The following PFKL variants were observed in gnomAD, a reference collection of about 807,000 sequenced individuals.
PFKL encodes the protein phosphofructokinase, liver type.
In PFKL, 74 loss-of-function variants were observed where a neutral mutation model predicts 92.1. The observed-to-expected ratio is 0.80, with a 90% CI of 0.67 to 0.97. PFKL has a LOEUF of 0.97. Among genes scored for constraint, PFKL ranks in the 50% least tolerant of loss-of-function variants. The probability of loss-of-function intolerance (pLI) is 0.00; values close to 1 mark genes in which losing one functional copy is unlikely to be tolerated. For synonymous variants in PFKL, 494 were observed against 456.4 expected (o/e 1.08, Z -1.05); for missense variants, 1,028 against 1,116.6 (o/e 0.92, Z 1.13).
chr21:44,325,255 C>A lies in PFKL; in HGVS notation c.1980C>A (p.His660Gln). The change falls in exon 19 of 22, where the codon CAC (histidine) becomes CAA (glutamine). Residue 660 changes from histidine (H) to glutamine (Q), a missense_variant. By Grantham distance (24) the His-to-Gln change is conservative. Coordinates refer to ENST00000349048, the MANE Select transcript of PFKL (RefSeq NM_002626.6). ...VFDCRTNVLG[H>Q]LQQGGAPTPF... ...ACTGCAGGACCAATGTCCTGGGCCA[C>A]CTGCAGCAGGTGTGGGGCAGGGGTG... is the stretch of plus-strand genomic sequence containing the variant. 1 of 1,604,918 alleles carries A rather than the reference C, an allele frequency of 6.2e-7. No homozygotes were observed. The highest frequency in any genetic ancestry group is 8.5e-7 in the Non-Finnish European group (1 of 1,172,396).
chr21:44,311,137 C>G (rs1221310978), intron 3 of PFKL, 54 bp downstream of exon 3: 1 of 1,393,214 alleles, frequency 7.2e-7, no homozygotes, highest in Non-Finnish European at 1.0e-6. Flanking sequence ...GACAGACACA[C>G]AGAGACAGAC....
intron 3 of PFKL, 135 bp downstream of exon 3, chr21:44,311,218 A>G: frequency 6.1e-6 from 4 of 652,576 alleles, no homozygotes; most frequent in Non-Finnish European, 1.1e-5. Flanking sequence ...ACAGACATGC[A>G]CACAGACGCA....
rs548946257 is a variant in PFKL, at chr21:44,325,366, T to C, written c.1989+102T>C. The C allele has an allele frequency of 5.0e-5, 38 of 764,450 alleles. No homozygotes were observed. In the African/African-American group the frequency reaches 6.0e-4, roughly 12 times the overall value. The allele number at this position is 764,450 out of a possible 1,614,324, so 47.4% of individuals were successfully genotyped here. On this transcript the variant is annotated intron_variant, in intron 19 of 21. Transcript: ENST00000349048. ...AGCCCTCACGGGCACCCACGGGCAC[T>C]CCCGGCAGGCCCTCGGGCACGTGTG...
chr21:44,311,161 C>G (rs369182175), intron 3 of PFKL, 78 bp downstream of exon 3: 3 of 1,065,804 alleles, frequency 2.8e-6, no homozygotes, highest in African/African-American at 4.5e-5. Flanking sequence ...CACACACAGA[C>G]ACACACACAG....
chr21:44,311,030 G>T lies in PFKL; in HGVS notation c.184G>T (p.Gly62Cys). The change falls in exon 3 of 22, where the codon GGT (glycine) becomes TGT (cysteine). Residue 62 changes from glycine (G) to cysteine (C), a missense_variant. Coordinates refer to ENST00000349048, the MANE Select transcript of PFKL (RefSeq NM_002626.6). ...YEGYEGLVEG[G>C]ENIKQANWLS... ...GGGCTATGAGGGCCTCGTGGAGGGA[G>T]GTGAGAACATCAAGCAGGCCAACTG... 1 of 1,613,066 alleles carries T rather than the reference G, an allele frequency of 6.2e-7. No homozygotes were observed. The highest frequency in any genetic ancestry group is 8.5e-7 in the Non-Finnish European group (1 of 1,179,588).
chr21:44,300,076 G>A lies in PFKL; in HGVS notation c.-30G>A, dbSNP rs1239706374. On this transcript the variant is annotated 5_prime_UTR_variant, in exon 1 of 22. Transcript: ENST00000349048. ...GCGACGCGGCGCAGGCGGCGGGAGT[G>A]CGAGCTGGGCCCGTGTTTCGGCCGC... 7.7e-6 allele frequency: 8 copies of A among 1,044,972 alleles called. No individual in the cohort carries two copies. The highest frequency in any genetic ancestry group is 5.2e-5 in the Admixed American group (1 of 19,196). 64.7% of individuals were successfully genotyped at this position (1,044,972 alleles called of 1,614,324 possible).
Position 44,307,639 on chromosome 21 carries a change from C to A in PFKL, c.159+885C>A, listed in dbSNP as rs559750476. ...CATCTTGGCCCCAGGGAACAGCAGC[C>A]TGTCCAGCCCTCCCTCTGCAGGACT... On this transcript the variant is annotated intron_variant, in intron 2 of 21. Coordinates refer to ENST00000349048, the MANE Select transcript of PFKL (RefSeq NM_002626.6). Among the ~76,000 whole-genome samples the A allele has an allele frequency of 2.6e-5, 4 of 152,334 alleles. No individual in the cohort carries two copies. In the East Asian group the frequency reaches 7.7e-4, roughly 29 times the overall value.
chr21:44,319,932 T>C (rs943421622), intron 11 of PFKL, 152 bp from the exon 12 acceptor site: 1 of 669,326 alleles, frequency 1.5e-6, no homozygotes, highest in Admixed American at 2.2e-5. Flanking sequence ...GAAGGTGCCC[T>C]GCCTGGCATG....
chr21:44,326,676 C>T (rs753339597), intron 21 of PFKL, 39 bp from the exon 22 acceptor site: 34 of 1,601,714 alleles, frequency 2.1e-5, no homozygotes, highest in Middle Eastern at 1.8e-4. Flanking sequence ...TGCCCTGACC[C>T]CTGACTCCCC....
chr21:44,304,968 C>T (rs1443314459), intron 1 of PFKL, among the ~76,000 whole-genome samples: 1 of 152,182 alleles, frequency 6.6e-6, no homozygotes, highest in African/African-American at 2.4e-5. Context: ...CAGCTCCCTG[C>T]ACGCTCTGTG....
chr21:44,313,500 G>C, intron 5 of PFKL, 138 bp from the exon 6 acceptor site: 1 of 806,132 alleles, frequency 1.2e-6, no homozygotes. Flanking sequence ...GTATCTTTTA[G>C]CTCAGAGCCT....
chr21:44,308,732 T>C (rs988310040), intron 2 of PFKL, among the ~76,000 whole-genome samples: 1 of 152,056 alleles, frequency 6.6e-6, no homozygotes. Flanking sequence ...CAGCTGTTTT[T>C]TGTATTTTTA....
Position 44,311,011 on chromosome 21 carries a change from T to C in PFKL, c.165T>C (p.Tyr55=), listed in dbSNP as rs2047025216. The C allele has an allele frequency of 1.2e-6, 2 of 1,612,548 alleles. No homozygotes were observed. The highest frequency in any genetic ancestry group is 1.3e-5 in the African/African-American group (1 of 74,850). Reference sequence around the variant, plus strand: ...TGCCCCACTCTTGATTTCAGGGCTATGAGGGCCTCGTGGAGGGAGGTGAGA... The same window carrying C: ...TGCCCCACTCTTGATTTCAGGGCTACGAGGGCCTCGTGGAGGGAGGTGAGA... ...GAKVFLIYEG[Y]EGLVEGGENI... is the part of the protein sequence containing the mutation. Residue 55 remains tyrosine (Y), a synonymous_variant, in exon 3 of 22, where the codon TAT becomes TAC. Transcript: ENST00000349048.
chr21:44,309,953 C>T (rs2041067930), intron 2 of PFKL, among the ~76,000 whole-genome samples: 1 of 152,248 alleles, frequency 6.6e-6, no homozygotes, highest in South Asian at 2.1e-4. Context: ...GACCCCCTGC[C>T]TGCTTGAGGC....
rs771925648 is a variant in PFKL, at chr21:44,319,408, C to T, written c.1120C>T (p.Arg374Cys). The change falls in exon 11 of 22, where the codon CGT (arginine) becomes TGT (cysteine). Residue 374 changes from arginine (R) to cysteine (C), a missense_variant. Physicochemically the swap from Arg to Cys is radical, Grantham distance 180. Transcript: ENST00000349048. ...GAGGTTTGACGAGGCCACCCAGCTCCGTGGTGGGTAAGCCCCCTCAGCAGA... is the reference window on the plus strand; with the variant it reads ...GAGGTTTGACGAGGCCACCCAGCTCTGTGGTGGGTAAGCCCCCTCAGCAGA... ...DKRFDEATQL[R>C]GGSFENNWNI... 4 of 1,613,014 alleles carry T rather than the reference C, an allele frequency of 2.5e-6. No homozygotes were observed. Among genetic ancestry groups the T allele is most frequent in the East Asian group, 2.2e-5 (1 of 44,890 alleles).
rs541694597 is a variant in PFKL at position 44,304,267 on chromosome 21, G to A, written c.86-2414G>A. On this transcript the variant is annotated intron_variant, in intron 1 of 21. Coordinates refer to ENST00000349048, the MANE Select transcript of PFKL (RefSeq NM_002626.6). ...CCCCTGATCCTGGGGCCCCTTTGCC[G>A]TTCCCAGGTCCCCTGACAAGCCCAC... is the stretch of plus-strand genomic sequence containing the variant. 2.2e-4 allele frequency: 281 copies of A among 1,289,120 alleles called. No homozygotes were observed. In the African/African-American group the frequency reaches 3.7e-3, roughly 17 times the overall value. 79.9% of individuals were successfully genotyped at this position (1,289,120 alleles called of 1,614,324 possible).
chr21:44,314,011 G>T lies in PFKL; in HGVS notation c.737G>T (p.Arg246Met), dbSNP rs61737076. The T allele has an allele frequency of 3.8e-4, 602 of 1,603,676 alleles. 1 individual carries two copies. Among genetic ancestry groups the T allele is most frequent in the Non-Finnish European group, 4.7e-4 (557 of 1,176,284 alleles). ...EDGWENFMCERLGETRSRGSR... is the reference protein window; with the variant it reads ...EDGWENFMCEMLGETRSRGSR... ...GGCTGGGAGAACTTCATGTGTGAGA[G>T]GCTGGGTGAGGTGGGTGCCGTCCAG... The change falls in exon 7 of 22, where the codon AGG becomes ATG. Residue 246 changes from arginine (R) to methionine (M), a missense_variant. Physicochemically the swap from Arg to Met is moderately conservative, Grantham distance 91. Coordinates refer to ENST00000349048, the MANE Select transcript of PFKL (RefSeq NM_002626.6).
intron 5 of PFKL, 137 bp from the exon 6 acceptor site, chr21:44,313,501 C>G (rs1420091030): frequency 1.2e-6 from 1 of 813,836 alleles, no homozygotes; most frequent in Non-Finnish European, 2.0e-6. Flanking sequence ...TATCTTTTAG[C>G]TCAGAGCCTG....
In PFKL at chr21:44,306,768, G is replaced by A. The variant is rs1305570203; in HGVS notation, c.159+14G>A. On this transcript the variant is annotated intron_variant, in intron 2 of 21. Transcript: ENST00000349048. ...CTCATCTACGAGGTAAGGCCAAGGT[G>A]GGCTGTGTGTGTGCAGGGAGTGGGG... 6.2e-7 allele frequency: 1 copy of A among 1,612,200 alleles called. No homozygotes were observed. The highest frequency in any genetic ancestry group is 2.2e-5 in the East Asian group (1 of 44,864).
Sources: allele counts gnomAD v4.1 joint callset (sites outside exome capture counted in the v4.1 genomes callset), GRCh38; gene constraint gnomAD v4.1.1; transcripts MANE v1.5; gene names NCBI Gene and HGNC (gene_info 2026-07-23, HGNC 2026-07-21).